UBE3D: variants seen among roughly 807,000 people sequenced by gnomAD.
The protein encoded by UBE3D is ubiquitin protein ligase E3D, also known as E3 ubiquitin-protein ligase E3D.
In UBE3D, 48 loss-of-function variants were observed where a neutral mutation model predicts 49.6. The observed-to-expected ratio is 0.97, with a 90% CI of 0.77 to 1.23. UBE3D has a LOEUF of 1.23. UBE3D is among the 50% of genes most tolerant of loss of function. The probability of loss-of-function intolerance (pLI) is 0.00; values close to 1 mark genes in which losing one functional copy is unlikely to be tolerated. For synonymous variants in UBE3D, 189 were observed against 174.2 expected, an observed-to-expected ratio of 1.08 and a Z score of -0.67; for missense variants, 452 against 468.4, an observed-to-expected ratio of 0.96 and a Z score of 0.32.
chr6:82,904,302 C>A (rs1771943575), intron 9 of UBE3D, among the ~76,000 whole-genome samples: 1 of 152,130 alleles, frequency 6.6e-6, no homozygotes, highest in South Asian at 2.1e-4. Flanking sequence ...TACTTAAAGT[C>A]ACAGTTTCCA....
At chr6:83,019,798 C>CTACA (rs1156988338) in intron 7 of UBE3D, among the ~76,000 whole-genome samples, 1 of 152,180 alleles carries the variant, frequency 6.6e-6, no homozygotes, top group Non-Finnish European at 1.5e-5. Flanking sequence ...TGAATCCCAC[C>CTACA]TACAGAGTTT....
intron 8 of UBE3D, among the ~76,000 whole-genome samples, chr6:82,975,758 G>T (rs575367976): frequency 3.3e-4 from 50 of 152,170 alleles, no homozygotes; most frequent in African/African-American, 1.2e-3. Flanking sequence ...ATGAAGAAAG[G>T]TACCTATGGC....
chr6:83,046,187 G>C (rs1783016456), intron 3 of UBE3D, among the ~76,000 whole-genome samples: 1 of 151,806 alleles, frequency 6.6e-6, no homozygotes, highest in Non-Finnish European at 1.5e-5. Context: ...GTAAATTAAT[G>C]TACATTCAGA....
intron 1 of UBE3D, 123 bp downstream of exon 1, chr6:83,065,519 A>C (rs879360323): frequency 8.1e-6 from 7 of 862,254 alleles, no homozygotes; most frequent in Non-Finnish European, 1.2e-5. Flanking sequence ...AGTGATCGAG[A>C]GGCTCTACGC....
intron 8 of UBE3D, among the ~76,000 whole-genome samples, chr6:82,961,610 A>G (rs1470904674): frequency 6.6e-6 from 1 of 152,232 alleles, no homozygotes; most frequent in Admixed American, 6.5e-5. Context: ...TATCCTCTCC[A>G]AGCAAACCAT....
intron 8 of UBE3D, among the ~76,000 whole-genome samples, chr6:82,987,542 T>C (rs1401470275): frequency 6.6e-6 from 1 of 152,202 alleles, no homozygotes; most frequent in African/African-American, 2.4e-5. Context: ...TAGGAAAATA[T>C]TTCTTGTAGC....
intron 5 of UBE3D, chr6:83,036,051 T>C (rs1285321850): frequency 7.2e-5 from 9 of 124,558 alleles, no homozygotes; most frequent in African/African-American, 2.8e-4. Flanking sequence ...TGAGATGGAG[T>C]CTTGCCCTGT....
At chr6:83,037,132 C>T (rs1202607604) in intron 5 of UBE3D, 1 of 152,516 alleles carries the variant, frequency 6.6e-6, no homozygotes, top group Non-Finnish European at 1.5e-5. Flanking sequence ...AATCATCCTG[C>T]TTCCAGCCCC....
At chr6:83,034,799 C>A (rs1433370544) in intron 5 of UBE3D, among the ~76,000 whole-genome samples, 1 of 152,020 alleles carries the variant, frequency 6.6e-6, no homozygotes, top group Admixed American at 6.6e-5. Context: ...TACCCAGTCT[C>A]AAGTAGTTCT....
chr6:83,031,374 T>C (rs1781856110), intron 5 of UBE3D, among the ~76,000 whole-genome samples: 2 of 152,140 alleles, frequency 1.3e-5, no homozygotes, highest in African/African-American at 2.4e-5. Flanking sequence ...TTTGGAAAAT[T>C]TGTAGCTGGA....
At chr6:83,040,720 A>G in intron 4 of UBE3D, among the ~76,000 whole-genome samples, 1 of 152,232 alleles carries the variant, frequency 6.6e-6, no homozygotes, top group East Asian at 1.9e-4. Flanking sequence ...AAGTCAGTTC[A>G]GTCCTGGCTC....
rs568847110 is a variant in UBE3D, at chr6:82,967,951, C to T, written c.1011-10501G>A. On this transcript the variant is annotated intron_variant, in intron 8 of 9. Coordinates refer to ENST00000369747, the MANE Select transcript of UBE3D (RefSeq NM_198920.3). ...TCAACTCCATACCTAGCTTTCATTC[C>T]TTTTTATAACTGAGTAAATTTCCAT... Among the ~76,000 whole-genome samples, 3 of 152,228 alleles carry T rather than the reference C, an allele frequency of 2.0e-5. No individual in the cohort carries two copies. In the South Asian group the frequency reaches 6.2e-4, roughly 32 times the overall value.
chr6:82,990,223 C>G (rs1340036660), intron 8 of UBE3D, among the ~76,000 whole-genome samples: 1 of 152,190 alleles, frequency 6.6e-6, no homozygotes, highest in Admixed American at 6.5e-5. Flanking sequence ...CCCTAATTCA[C>G]TATGCCAACA....
intron 9 of UBE3D, among the ~76,000 whole-genome samples, chr6:82,902,201 G>C (rs754258178): frequency 6.6e-6 from 1 of 152,184 alleles, no homozygotes; most frequent in Non-Finnish European, 1.5e-5. Context: ...AGGGGACTAT[G>C]AGAGTAGAGC....
At chr6:82,919,188 G>A (rs2073467999) in intron 9 of UBE3D, among the ~76,000 whole-genome samples, 1 of 152,118 alleles carries the variant, frequency 6.6e-6, no homozygotes, top group Non-Finnish European at 1.5e-5. Flanking sequence ...AGAGGCAAGG[G>A]AAGTGGCCAC....
At position 82,975,167 on chromosome 6, in the gene UBE3D, C is replaced by T. The variant is rs560833305; in HGVS notation, c.1011-17717G>A. Among the ~76,000 whole-genome samples the T allele has an allele frequency of 8.5e-4, 130 of 152,170 alleles. 1 individual carries two copies. The highest frequency in any genetic ancestry group is 3.1e-3 in the African/African-American group (129 of 41,534). ...TTCATCTCTTTATTAAGACCCCAAG[C>T]ATATTCTTCAATTTTGCTTCCTAAT... On this transcript the variant is annotated intron_variant, in intron 8 of 9. Coordinates refer to ENST00000369747, the MANE Select transcript of UBE3D (RefSeq NM_198920.3).
chr6:82,981,141 TG>T, intron 8 of UBE3D, among the ~76,000 whole-genome samples: 1 of 152,122 alleles, frequency 6.6e-6, no homozygotes, highest in Non-Finnish European at 1.5e-5. Context: ...ACAAGGAAAC[TG>T]AAGTTCAGGA....
intron 8 of UBE3D, among the ~76,000 whole-genome samples, chr6:82,974,365 A>C (rs1470306661): frequency 6.6e-6 from 1 of 152,062 alleles, no homozygotes; most frequent in African/African-American, 2.4e-5. Flanking sequence ...GACCCCCCAC[A>C]ACAACCTGCA....
At chr6:83,000,030 T>C (rs960104958) in intron 8 of UBE3D, among the ~76,000 whole-genome samples, 2 of 152,204 alleles carry the variant, frequency 1.3e-5, no homozygotes, top group African/African-American at 4.8e-5. Flanking sequence ...TAAAAAGCAA[T>C]ACTGTTGTTT....
Sources: allele counts gnomAD v4.1 joint callset (sites outside exome capture counted in the v4.1 genomes callset), GRCh38; gene constraint gnomAD v4.1.1; transcripts MANE v1.5; gene names NCBI Gene and HGNC (gene_info 2026-07-23, HGNC 2026-07-21).